Variants in INO80 observed in about 807,000 individuals in gnomAD.
INO80 encodes chromatin-remodeling ATPase INO80.
INO80 carries 20 observed loss-of-function variants against 203.4 expected under a neutral mutation model. The ratio of observed to expected loss-of-function variants is 0.10; its 90% CI spans 0.07 to 0.14. The LOEUF (loss-of-function observed/expected upper bound fraction) is 0.14. INO80 is among the 10% of genes least tolerant of loss of function. The probability of loss-of-function intolerance (pLI) is 1.00; values close to 1 mark genes in which losing one functional copy is unlikely to be tolerated. For synonymous variants in INO80, 726 were observed against 685.2 expected, an observed-to-expected ratio of 1.06 and a Z score of -0.93; for missense variants, 1,419 against 1,914.4, an observed-to-expected ratio of 0.74 and a Z score of 4.83.
chr15:41,060,825 C>A (rs2045091439), intron 14 of INO80, among the ~76,000 whole-genome samples: 1 of 152,096 alleles, frequency 6.6e-6, no homozygotes, highest in Non-Finnish European at 1.5e-5. Flanking sequence ...GGCAAAAAAA[C>A]ACATAAATCC....
intron 14 of INO80, among the ~76,000 whole-genome samples, chr15:41,062,367 T>G (rs2045128038): frequency 6.6e-6 from 1 of 152,040 alleles, no homozygotes; most frequent in South Asian, 2.1e-4. Context: ...TCTGGGAGGC[T>G]GAGGCGGATG....
At chr15:41,104,732 G>T (rs909328013) in intron 1 of INO80, among the ~76,000 whole-genome samples, 3 of 151,778 alleles carry the variant, frequency 2.0e-5, no homozygotes, top group Admixed American at 2.0e-4. Context: ...TAGAGACGAG[G>T]TTTCACCATG....
chr15:40,996,941 C>T, intron 29 of INO80, among the ~76,000 whole-genome samples: 1 of 152,164 alleles, frequency 6.6e-6, no homozygotes, highest in Non-Finnish European at 1.5e-5. Flanking sequence ...GTATCAGACA[C>T]ATAGTAGGCA....
At chr15:41,076,933 A>C (rs1281345825) in intron 9 of INO80, among the ~76,000 whole-genome samples, 1 of 152,064 alleles carries the variant, frequency 6.6e-6, no homozygotes, top group African/African-American at 2.4e-5. Context: ...TTTGAGATGG[A>C]GTCTCGCTCT....
intron 4 of INO80, among the ~76,000 whole-genome samples, chr15:41,094,273 A>T (rs1020173561): frequency 6.6e-6 from 1 of 152,178 alleles, no homozygotes; most frequent in African/African-American, 2.4e-5. Context: ...TTGTAACTTC[A>T]TCTTCCACCA....
chr15:41,073,409 T>G lies in INO80; in HGVS notation c.1395+19A>C. The G allele has an allele frequency of 6.2e-7, 1 of 1,608,226 alleles. No homozygotes were observed. Among genetic ancestry groups the G allele is most frequent in the Non-Finnish European group, 8.5e-7 (1 of 1,174,624 alleles). Reference sequence around the variant, plus strand: ...TTTCCAGGGCCAATTACAGTAAACCTTTCTATCTGAAGACTCACCCGAGCT... The same window carrying G: ...TTTCCAGGGCCAATTACAGTAAACCGTTCTATCTGAAGACTCACCCGAGCT... On this transcript the variant is annotated intron_variant, in intron 11 of 35. Transcript: ENST00000648947.
At chr15:41,048,115 A>G (rs1167987677) in intron 22 of INO80, 97 bp downstream of exon 22, 2 of 901,868 alleles carry the variant, frequency 2.2e-6, no homozygotes, top group Non-Finnish European at 3.5e-6. Flanking sequence ...CCATATAGGC[A>G]AAACTAATAC....
In INO80 at chr15:41,059,933, A is replaced by G. The variant is rs746951020; in HGVS notation, c.1783-7T>C. ...TTCCCCAATATGGTAGCACCTAGAA[A>G]AAGGGCCAATATATACATTACTTTC... On this transcript the variant is annotated splice_region_variant and splice_polypyrimidine_tract_variant and intron_variant, in intron 14 of 35. Coordinates refer to ENST00000648947, the MANE Select transcript of INO80 (RefSeq NM_017553.3). 11 of 1,590,012 alleles carry G rather than the reference A, an allele frequency of 6.9e-6. No homozygotes were observed. Among genetic ancestry groups the G allele is most frequent in the African/African-American group, 1.3e-5 (1 of 74,388 alleles).
rs193083286 is a variant in INO80 at position 41,007,598 on chromosome 15, T to G, written c.3403-1911A>C. Among the ~76,000 whole-genome samples, 100 of 152,090 alleles carry G rather than the reference T, an allele frequency of 6.6e-4. 2 individuals are homozygous for G. Among genetic ancestry groups the G allele is most frequent in the African/African-American group, 2.4e-3 (98 of 41,524 alleles). On this transcript the variant is annotated intron_variant, in intron 27 of 35. Coordinates refer to ENST00000648947, the MANE Select transcript of INO80 (RefSeq NM_017553.3). ...CAAGGCCAGCACAACCCCGGGGATA[T>G]TAATCCTAGACCATAATCAAACCAA...
chr15:41,024,451 C>T (rs2044345326), intron 25 of INO80: 1 of 152,140 alleles, frequency 6.6e-6, no homozygotes, highest in Non-Finnish European at 1.5e-5. Flanking sequence ...GTTCTTCCCT[C>T]CCCACAAAAA....
chr15:41,055,428 T>C, intron 17 of INO80, 64 bp from the exon 18 acceptor site: 1 of 1,070,720 alleles, frequency 9.3e-7, no homozygotes, highest in Non-Finnish European at 1.4e-6. Context: ...TAAGGATGTA[T>C]TAGATAGAGA....
intron 21 of INO80, among the ~76,000 whole-genome samples, 153 bp from the exon 22 acceptor site, chr15:41,048,429 G>C (rs1317677825): frequency 6.6e-6 from 1 of 152,070 alleles, no homozygotes; most frequent in African/African-American, 2.4e-5. Context: ...AAAAATCATA[G>C]CATACATTTA....
chr15:41,049,862 G>T, intron 20 of INO80, 73 bp downstream of exon 20: 1 of 1,387,904 alleles, frequency 7.2e-7, no homozygotes, highest in Non-Finnish European at 9.9e-7. Context: ...CTCCAGCCTG[G>T]GCAACAGAGC....
chr15:41,094,395 T>C (rs1037366430), intron 4 of INO80, among the ~76,000 whole-genome samples: 1 of 152,196 alleles, frequency 6.6e-6, no homozygotes, highest in Admixed American at 6.6e-5. Context: ...CGAAATGCCG[T>C]TACCCTGGAT....
chr15:41,051,128 C>CAAGAAAAAAAAAA (rs2044862271), intron 19 of INO80, among the ~76,000 whole-genome samples: 1 of 78,516 alleles, frequency 1.3e-5, no homozygotes, highest in African/African-American at 6.8e-5. Flanking sequence ...GACTCCATCT[C>CAAGAAAAAAAAAA]AAAAAAAAAA....
intron 9 of INO80, among the ~76,000 whole-genome samples, chr15:41,077,788 T>C (rs1306629009): frequency 6.6e-6 from 1 of 152,174 alleles, no homozygotes; most frequent in Non-Finnish European, 1.5e-5. Flanking sequence ...CTTGAACTCC[T>C]AGATTCCAGC....
chr15:40,984,104 CAGG>C, intron 33 of INO80, 90 bp downstream of exon 33: 2 of 1,432,002 alleles, frequency 1.4e-6, no homozygotes, highest in Non-Finnish European at 1.9e-6. Context: ...TGGAGAACTC[CAGG>C]AGAAGCAAAG....
Position 41,012,561 on chromosome 15 carries a change from T to TAAAAA in INO80, c.3402+3522_3402+3526dup, listed in dbSNP as rs71104767. ...CTGGGTGACAGAGCGAGACTCTTTT[T>TAAAAA]AAAAAAAAAAAAAAAAGATCCTATA... On this transcript the variant is annotated intron_variant, in intron 27 of 35. Coordinates refer to ENST00000648947, the MANE Select transcript of INO80 (RefSeq NM_017553.3). Among the ~76,000 whole-genome samples the TAAAAA allele has an allele frequency of 7.7e-4, 70 of 90,848 alleles. 1 individual carries two copies. Among genetic ancestry groups the TAAAAA allele is most frequent in the African/African-American group, 2.6e-3 (64 of 24,208 alleles). 59.6% of individuals were successfully genotyped at this position (90,848 alleles called of 152,430 possible). A position where few individuals can be genotyped will look rare whatever the true frequency, so the allele number is the denominator to read the frequency against.
intron 19 of INO80, among the ~76,000 whole-genome samples, chr15:41,051,421 G>C (rs561574105): frequency 6.6e-6 from 1 of 151,412 alleles, no homozygotes; most frequent in East Asian, 1.9e-4. Flanking sequence ...TAGTAAGATA[G>C]GAAACGCTAA....
Sources: allele counts gnomAD v4.1 joint callset (sites outside exome capture counted in the v4.1 genomes callset), GRCh38; gene constraint gnomAD v4.1.1; transcripts MANE v1.5; gene names NCBI Gene and HGNC (gene_info 2026-07-23, HGNC 2026-07-21).